The following LNP1 variants were observed in gnomAD, a reference collection of about 807,000 sequenced individuals.
LNP1 encodes leukemia NUP98 fusion partner 1.
A neutral mutation model predicts 14.5 loss-of-function variants in LNP1; 12 were observed. The observed-to-expected ratio is 0.83, with a 90% CI of 0.53 to 1.34. The LOEUF (loss-of-function observed/expected upper bound fraction) is 1.34. Among genes scored for constraint, LNP1 ranks in the 40% most tolerant of loss-of-function variants. The pLI, the probability that LNP1 is intolerant of heterozygous loss-of-function variation, is 0.00. For synonymous variants in LNP1, 75 were observed against 71.4 expected (o/e 1.05, Z -0.26); for missense variants, 198 against 210.9 (o/e 0.94, Z 0.38).
At chr3:100,422,062 A>G (rs924765733) in intron 1 of LNP1, among the ~76,000 whole-genome samples, 1 of 151,964 alleles carries the variant, frequency 6.6e-6, no homozygotes, top group Non-Finnish European at 1.5e-5. Flanking sequence ...TCTTATGGAG[A>G]GGCTTGTAGA....
chr3:100,426,372 T>A (rs922771056), intron 1 of LNP1, among the ~76,000 whole-genome samples: 4 of 152,182 alleles, frequency 2.6e-5, no homozygotes, highest in African/African-American at 7.2e-5. Flanking sequence ...GCAATTAGGA[T>A]CTATGAATTC....
At chr3:100,417,440 G>A (rs981716481) in intron 1 of LNP1, among the ~76,000 whole-genome samples, 13 of 126,232 alleles carry the variant, frequency 1.0e-4, no homozygotes, top group African/African-American at 2.8e-4. Flanking sequence ...GCACTGGTGC[G>A]ATCTCAGCTC....
intron 2 of LNP1, among the ~76,000 whole-genome samples, chr3:100,436,382 A>G (rs1372728138): frequency 2.0e-5 from 3 of 152,128 alleles, no homozygotes; most frequent in African/African-American, 4.8e-5. Flanking sequence ...TAAGGTTTTT[A>G]TGGAATCCCC....
At chr3:100,422,183 T>A (rs1390894821) in intron 1 of LNP1, among the ~76,000 whole-genome samples, 2 of 11,900 alleles carry the variant, frequency 1.7e-4, no homozygotes, top group African/African-American at 1.7e-3. Flanking sequence ...TGATAAAGTC[T>A]TTTTTTTTTT....
chr3:100,450,510 A>G (rs1707427981), intron 2 of LNP1, among the ~76,000 whole-genome samples: 1 of 151,610 alleles, frequency 6.6e-6, no homozygotes, highest in African/African-American at 2.4e-5. Context: ...ATTTTTTGGT[A>G]TTTTTTAGTA....
intron 1 of LNP1, among the ~76,000 whole-genome samples, chr3:100,411,051 G>C (rs1007948681): frequency 9.9e-5 from 15 of 152,206 alleles, no homozygotes; most frequent in African/African-American, 3.6e-4. Context: ...ACCCTGTAGA[G>C]CTGTGAGAAT....
chr3:100,424,595 C>T (rs1707174677), intron 1 of LNP1, among the ~76,000 whole-genome samples: 1 of 152,168 alleles, frequency 6.6e-6, no homozygotes, highest in African/African-American at 2.4e-5. Context: ...TACACAAACT[C>T]CAGATTTGCA....
At chr3:100,425,397 G>A (rs1047593586) in intron 1 of LNP1, among the ~76,000 whole-genome samples, 6 of 152,214 alleles carry the variant, frequency 3.9e-5, no homozygotes, top group Non-Finnish European at 7.3e-5. Context: ...AGGAGCTGGG[G>A]CCAGTTGCTG....
intron 1 of LNP1, among the ~76,000 whole-genome samples, chr3:100,416,378 C>A (rs371167041): frequency 6.6e-6 from 1 of 152,196 alleles, no homozygotes; most frequent in East Asian, 1.9e-4. Flanking sequence ...CTGCAACAGA[C>A]CAGGAATCAG....
intron 2 of LNP1, among the ~76,000 whole-genome samples, chr3:100,433,114 G>A (rs113917081): frequency 0.038 from 5,719 of 152,208 alleles, 389 homozygotes; most frequent in East Asian, 0.31. Context: ...TTTGTTACAT[G>A]GGTGTACATG....
intron 1 of LNP1, among the ~76,000 whole-genome samples, chr3:100,426,854 G>A (rs1707197900): frequency 6.6e-6 from 1 of 152,002 alleles, no homozygotes. Context: ...TTCCCTAACT[G>A]GGGTAATCCC....
rs1707198506 is a variant in LNP1 at position 100,426,931 on chromosome 3, A to G, written c.-33-2766A>G. On this transcript the variant is annotated intron_variant, in intron 1 of 3. Transcript: ENST00000383693. ...AGTTTTTATCATATATTCAGGTGCT[A>G]TAGACACAGAATAGAAGCCATTTTA... is the stretch of plus-strand genomic sequence containing the variant. 2.6e-5 allele frequency among the ~76,000 whole-genome samples: 4 copies of G among 152,198 alleles called. No homozygotes were observed. In the South Asian group the frequency reaches 8.3e-4, roughly 31 times the overall value.
At chr3:100,452,841 G>A (rs1488398435) in intron 3 of LNP1, among the ~76,000 whole-genome samples, 1 of 152,170 alleles carries the variant, frequency 6.6e-6, no homozygotes, top group Non-Finnish European at 1.5e-5. Flanking sequence ...GATACATAAA[G>A]TAATAAACTA....
chr3:100,422,835 C>G (rs1443300364), intron 1 of LNP1, among the ~76,000 whole-genome samples: 5 of 123,608 alleles, frequency 4.0e-5, no homozygotes, highest in Non-Finnish European at 1.6e-5. Flanking sequence ...TTTTTTGCAC[C>G]ACTAGTGGCA....
In LNP1 at chr3:100,409,606, A is replaced by ATATATTT. The variant is rs1429906485; in HGVS notation, c.-34+7168_-34+7169insATATTTT. ...CACACACACACATATATATATATAT[A>ATATATTT]TTTTTTTTTTTTTTGAGTCTCACTC... On this transcript the variant is annotated intron_variant, in intron 1 of 3. Coordinates refer to ENST00000383693, the MANE Select transcript of LNP1 (RefSeq NM_001085451.2). Among the ~76,000 whole-genome samples the ATATATTT allele has an allele frequency of 4.3e-3, 530 of 124,394 alleles. 4 individuals carry two copies. Among genetic ancestry groups the ATATATTT allele is most frequent in the African/African-American group, 0.016 (490 of 31,106 alleles). 81.6% of individuals were successfully genotyped at this position (124,394 alleles called of 152,430 possible). A position where few individuals can be genotyped will look rare whatever the true frequency, so the allele number is the denominator to read the frequency against.
At chr3:100,413,237 AAG>A (rs1707047252) in intron 1 of LNP1, among the ~76,000 whole-genome samples, 1 of 152,150 alleles carries the variant, frequency 6.6e-6, no homozygotes. Context: ...TGATATATGG[AAG>A]CCTGTTTCTT....
chr3:100,456,056 A>AGTCAGCATC lies in LNP1; in HGVS notation c.*130_*131insGTCAGCATC. ...AAACAGCTATAAAAAGCAACTGCAG[A>AGTCAGCATC]TGCTGACTGACTGCAGTGGGCAGGG... On this transcript the variant is annotated 3_prime_UTR_variant, in exon 4 of 4. Coordinates refer to ENST00000383693, the MANE Select transcript of LNP1 (RefSeq NM_001085451.2). 1.1e-6 allele frequency: 1 copy of AGTCAGCATC among 906,996 alleles called. No homozygotes were observed. The highest frequency in any genetic ancestry group is 1.7e-6 in the Non-Finnish European group (1 of 588,920). The allele number at this position is 906,996 out of a possible 1,614,324, so 56.2% of individuals were successfully genotyped here. A position where few individuals can be genotyped will look rare whatever the true frequency, so the allele number is the denominator to read the frequency against.
At chr3:100,422,539 C>G (rs1386962803) in intron 1 of LNP1, among the ~76,000 whole-genome samples, 4 of 152,092 alleles carry the variant, frequency 2.6e-5, no homozygotes, top group Admixed American at 2.0e-4. Context: ...GAGAGGTCAA[C>G]CAACTAATAA....
intron 1 of LNP1, among the ~76,000 whole-genome samples, chr3:100,404,348 C>G (rs935206672): frequency 1.3e-5 from 2 of 152,234 alleles, no homozygotes; most frequent in Non-Finnish European, 2.9e-5. Context: ...CTGTCCATCA[C>G]AGCTTTCTAT....
Sources: allele counts gnomAD v4.1 joint callset (sites outside exome capture counted in the v4.1 genomes callset), GRCh38; gene constraint gnomAD v4.1.1; transcripts MANE v1.5; gene names NCBI Gene and HGNC (gene_info 2026-07-23, HGNC 2026-07-21).